The following ASTN2 variants were observed in gnomAD, a reference collection of about 807,000 sequenced individuals.
ASTN2 encodes the protein astrotactin 2.
In ASTN2, 54 loss-of-function variants were observed where a neutral mutation model predicts 139.8. The observed-to-expected ratio is 0.39, with a 90% CI of 0.31 to 0.48. The LOEUF is 0.48. Among genes scored for constraint, ASTN2 ranks in the 20% least tolerant of loss-of-function variants. The probability of loss-of-function intolerance (pLI) is 0.95; values close to 1 mark genes in which losing one functional copy is unlikely to be tolerated. For synonymous variants in ASTN2, 756 were observed against 719.5 expected (o/e 1.05, Z -0.81); for missense variants, 1,565 against 1,725.1 (o/e 0.91, Z 1.64).
intron 17 of ASTN2, among the ~76,000 whole-genome samples, chr9:116,642,164 G>T (rs1857374748): frequency 9.1e-6 from 1 of 109,828 alleles, no homozygotes; most frequent in South Asian, 3.1e-4. Flanking sequence ...AACAGAATCA[G>T]TAGGAAGAGA....
At chr9:116,838,574 C>T (rs1832089060) in intron 11 of ASTN2, among the ~76,000 whole-genome samples, 1 of 146,776 alleles carries the variant, frequency 6.8e-6, no homozygotes, top group African/African-American at 2.5e-5. Context: ...CAGGCGTGTG[C>T]TACCATGCCC....
intron 4 of ASTN2, among the ~76,000 whole-genome samples, chr9:117,114,410 T>C (rs1829327418): frequency 6.6e-6 from 1 of 152,158 alleles, no homozygotes; most frequent in Non-Finnish European, 1.5e-5. Flanking sequence ...TATCAGAAAT[T>C]GTGTTTTTAG....
intron 13 of ASTN2, among the ~76,000 whole-genome samples, chr9:116,773,330 C>A (rs1334723196): frequency 6.6e-6 from 1 of 152,158 alleles, no homozygotes; most frequent in Non-Finnish European, 1.5e-5. Context: ...TATCATAAAG[C>A]TTTTTCCTCT....
rs371374987 is a variant in ASTN2, at chr9:117,225,574, T to TATATATAC, written c.631-10833_631-10832insGTATATAT. On this transcript the variant is annotated intron_variant, in intron 2 of 22. Coordinates refer to ENST00000313400, the MANE Select transcript of ASTN2 (RefSeq NM_001365068.1). Reference sequence around the variant, plus strand: ...ATATATATATATATATATATATATATACAGATGAACCCAAGTGGCCAGAGA... The same window carrying TATATATAC: ...ATATATATATATATATATATATATATATATATACACAGATGAACCCAAGTGGCCAGAGA... Among the ~76,000 whole-genome samples the TATATATAC allele has an allele frequency of 6.0e-3, 469 of 77,872 alleles. 27 individuals are homozygous for TATATATAC. The highest frequency in any genetic ancestry group is 7.8e-3 in the African/African-American group (185 of 23,870). 51.1% of individuals were successfully genotyped at this position (77,872 alleles called of 152,430 possible). A position where few individuals can be genotyped will look rare whatever the true frequency, so the allele number is the denominator to read the frequency against.
intron 6 of ASTN2, among the ~76,000 whole-genome samples, chr9:117,027,292 T>G (rs1307033530): frequency 1.3e-5 from 2 of 152,180 alleles, no homozygotes; most frequent in Non-Finnish European, 2.9e-5. Context: ...CTCCACAGCC[T>G]GAACTCTGAA....
At chr9:117,401,851 T>A (rs10759919) in intron 1 of ASTN2, among the ~76,000 whole-genome samples, 53,012 of 152,038 alleles carry the variant, frequency 0.35, 9,557 homozygotes, top group Non-Finnish European at 0.4. Flanking sequence ...CAACTATTTT[T>A]AAAAAGTTAA....
chr9:116,657,221 C>T (rs1285289285), intron 16 of ASTN2, among the ~76,000 whole-genome samples: 2 of 152,166 alleles, frequency 1.3e-5, no homozygotes, highest in South Asian at 2.1e-4. Flanking sequence ...ATGAACTTCT[C>T]AGCCTAACAA....
At chr9:116,748,402 T>A (rs917140392) in intron 13 of ASTN2, among the ~76,000 whole-genome samples, 1 of 152,200 alleles carries the variant, frequency 6.6e-6, no homozygotes, top group Non-Finnish European at 1.5e-5. Context: ...GGATGCAGAC[T>A]GCCTCCCTCA....
chr9:117,166,524 C>T (rs1397552114), intron 3 of ASTN2, among the ~76,000 whole-genome samples: 3 of 152,146 alleles, frequency 2.0e-5, no homozygotes, highest in Non-Finnish European at 2.9e-5. Flanking sequence ...TCATCACTTG[C>T]TGCTATCTAT....
chr9:117,234,795 G>A (rs756564111), intron 2 of ASTN2, among the ~76,000 whole-genome samples: 1 of 152,180 alleles, frequency 6.6e-6, no homozygotes, highest in Non-Finnish European at 1.5e-5. Context: ...GCAGAGCCAG[G>A]ACTAGAACCT....
At chr9:117,172,592 C>G (rs560845914) in intron 3 of ASTN2, among the ~76,000 whole-genome samples, 11 of 152,246 alleles carry the variant, frequency 7.2e-5, no homozygotes, top group Middle Eastern at 3.4e-3. Flanking sequence ...CCATTGTCCC[C>G]ATTTGTGAAC....
intron 2 of ASTN2, chr9:117,277,312 G>C (rs909262145): frequency 5.9e-5 from 9 of 152,164 alleles, no homozygotes; most frequent in African/African-American, 2.2e-4. Flanking sequence ...GTAAGGTTCA[G>C]GAAACTATCT....
intron 19 of ASTN2, among the ~76,000 whole-genome samples, chr9:116,530,557 T>C (rs1247220363): frequency 6.6e-6 from 1 of 152,106 alleles, no homozygotes; most frequent in Non-Finnish European, 1.5e-5. Flanking sequence ...TTCTACAATT[T>C]ATACATATAT....
intron 10 of ASTN2, among the ~76,000 whole-genome samples, chr9:116,927,887 C>G (rs190479895): frequency 6.6e-6 from 1 of 152,150 alleles, no homozygotes; most frequent in Non-Finnish European, 1.5e-5. Flanking sequence ...TTGTCAATGC[C>G]GACAGCTCCC....
intron 2 of ASTN2, among the ~76,000 whole-genome samples, chr9:117,256,511 G>A (rs1364280588): frequency 1.3e-5 from 2 of 152,160 alleles, no homozygotes; most frequent in Non-Finnish European, 2.9e-5. Flanking sequence ...GATTAAAACA[G>A]TTGCCAAGAT....
intron 10 of ASTN2, among the ~76,000 whole-genome samples, chr9:116,884,714 C>A (rs1359628374): frequency 6.7e-6 from 1 of 149,948 alleles, no homozygotes; most frequent in Non-Finnish European, 1.5e-5. Context: ...CCATCTTTGG[C>A]GTTTTTGGCT....
At chr9:117,060,453 AAAGAAAGGAAGG>A (rs1227092299) in intron 5 of ASTN2, among the ~76,000 whole-genome samples, 3 of 93,438 alleles carry the variant, frequency 3.2e-5, no homozygotes, top group Admixed American at 2.1e-4. Flanking sequence ...AGAAAGAAAG[AAAGAAAGGAAGG>A]AAGGAAGGAA....
chr9:117,178,811 C>T (rs1004570152), intron 3 of ASTN2, among the ~76,000 whole-genome samples: 5 of 152,272 alleles, frequency 3.3e-5, no homozygotes, highest in Admixed American at 6.5e-5. Context: ...CTGCATAGAG[C>T]GGCACCAGCC....
At chr9:116,840,741 G>T (rs1246718890) in intron 11 of ASTN2, among the ~76,000 whole-genome samples, 7 of 145,906 alleles carry the variant, frequency 4.8e-5, no homozygotes, top group African/African-American at 1.8e-4. Flanking sequence ...TCCCGGACGG[G>T]GCGGCAGGGC....
Sources: gnomAD v4.1 joint callset for allele counts (sites outside exome capture counted in the v4.1 genomes callset) on GRCh38, gnomAD v4.1.1 for gene constraint, MANE v1.5 for transcripts, NCBI Gene and HGNC (gene_info 2026-07-23, HGNC 2026-07-21) for gene names.